The following SPHKAP variants were observed in gnomAD, a reference collection of about 807,000 sequenced individuals.
SPHKAP encodes SPHK1 interactor, AKAP domain containing.
SPHKAP carries 67 observed loss-of-function variants against 137.5 expected under a neutral mutation model. The observed-to-expected ratio is 0.49, with a 90% CI of 0.40 to 0.60. The LOEUF (loss-of-function observed/expected upper bound fraction) is 0.60, where lower values mean the gene tolerates loss of function less well. Ranked by LOEUF, SPHKAP falls within the 20% of genes least tolerant of loss-of-function variation. The pLI is 0.00. For missense variants in SPHKAP, 2,097 were observed against 2,069.3 expected, an observed-to-expected ratio of 1.01 and a Z score of -0.26; for synonymous variants, 813 against 785.3, an observed-to-expected ratio of 1.04 and a Z score of -0.59.
intron 1 of SPHKAP, among the ~76,000 whole-genome samples, chr2:228,144,508 G>A (rs1699711734): frequency 6.6e-6 from 1 of 151,852 alleles, no homozygotes; most frequent in Admixed American, 6.6e-5. Context: ...AGCTATCTTT[G>A]GATAATGTAG....
At chr2:228,029,884 C>G (rs2106235092) in intron 3 of SPHKAP, among the ~76,000 whole-genome samples, 1 of 152,116 alleles carries the variant, frequency 6.6e-6, no homozygotes, top group Non-Finnish European at 1.5e-5. Context: ...CATGACAAAG[C>G]TTTTATTATC....
chr2:227,981,893 G>C, intron 11 of SPHKAP, 33 bp from the exon 12 acceptor site: 2 of 1,593,316 alleles, frequency 1.3e-6, no homozygotes, highest in Non-Finnish European at 1.7e-6. Context: ...GGCTCACAGA[G>C]CACAGAGGGT....
At chr2:228,157,094 A>G (rs1267976439) in intron 1 of SPHKAP, among the ~76,000 whole-genome samples, 2 of 152,218 alleles carry the variant, frequency 1.3e-5, no homozygotes, top group Non-Finnish European at 2.9e-5. Context: ...GAGAGACAGA[A>G]AAGCAATAAA....
chr2:228,027,931 C>T, intron 3 of SPHKAP: 1 of 860,590 alleles, frequency 1.2e-6, no homozygotes, highest in Non-Finnish European at 1.4e-6. Flanking sequence ...ATGCCCACTC[C>T]AGCCTGGCGA....
At chr2:228,037,856 C>T (rs1695685402) in intron 3 of SPHKAP, among the ~76,000 whole-genome samples, 3 of 152,198 alleles carry the variant, frequency 2.0e-5, no homozygotes, top group Admixed American at 1.3e-4. Context: ...GGTAGTTTTA[C>T]AGTAAATCCA....
At chr2:228,016,132 T>C (rs1370938001) in intron 7 of SPHKAP, among the ~76,000 whole-genome samples, 2 of 152,152 alleles carry the variant, frequency 1.3e-5, no homozygotes, top group Non-Finnish European at 2.9e-5. Context: ...CTTTCAACTC[T>C]CTATCATAAA....
intron 1 of SPHKAP, among the ~76,000 whole-genome samples, chr2:228,161,054 A>G (rs2106412890): frequency 6.6e-6 from 1 of 152,362 alleles, no homozygotes; most frequent in Admixed American, 6.5e-5. Context: ...TGTTAAACAA[A>G]TAATCACATA....
At chr2:228,167,313 G>A (rs1700449356) in intron 1 of SPHKAP, among the ~76,000 whole-genome samples, 1 of 151,910 alleles carries the variant, frequency 6.6e-6, no homozygotes, top group South Asian at 2.1e-4. Flanking sequence ...TTTCACGTTT[G>A]CAAAGACAGA....
chr2:227,996,242 ATTTT>A, intron 7 of SPHKAP: 4 of 458,542 alleles, frequency 8.7e-6, no homozygotes, highest in Non-Finnish European at 1.1e-5. Context: ...CTTGCACTAT[ATTTT>A]GTGCTGTATT....
intron 2 of SPHKAP, among the ~76,000 whole-genome samples, chr2:228,117,991 T>C (rs1334825998): frequency 1.3e-5 from 2 of 151,994 alleles, no homozygotes; most frequent in Admixed American, 1.3e-4. Context: ...TTATTCTAAT[T>C]TATTGATCTG....
At chr2:228,021,650 C>A in intron 6 of SPHKAP, 61 bp downstream of exon 6, 1 of 1,545,532 alleles carries the variant, frequency 6.5e-7, no homozygotes, top group East Asian at 2.3e-5. Context: ...TTTCTGAAAT[C>A]TCACCAAGAC....
intron 7 of SPHKAP, among the ~76,000 whole-genome samples, chr2:228,006,524 C>A (rs1388192019): frequency 6.6e-6 from 1 of 152,154 alleles, no homozygotes; most frequent in Admixed American, 6.6e-5. Context: ...TCGTCTGAAG[C>A]CTTCTTCTCT....
At chr2:228,056,526 G>T (rs1260559017) in intron 3 of SPHKAP, among the ~76,000 whole-genome samples, 3 of 150,610 alleles carry the variant, frequency 2.0e-5, no homozygotes, top group Admixed American at 1.3e-4. Context: ...GACTTGAGAG[G>T]TTCTTAAGTG....
intron 3 of SPHKAP, among the ~76,000 whole-genome samples, chr2:228,098,800 C>G (rs558859425): frequency 7.2e-5 from 10 of 138,546 alleles, no homozygotes; most frequent in African/African-American, 2.4e-4. Flanking sequence ...GGCCTTTGCC[C>G]ATTTTTTAAT....
At chr2:228,117,164 A>G (rs1168079276) in intron 2 of SPHKAP, among the ~76,000 whole-genome samples, 1 of 152,144 alleles carries the variant, frequency 6.6e-6, no homozygotes, top group Non-Finnish European at 1.5e-5. Flanking sequence ...TTTTCTCCCT[A>G]CATGCCATTG....
At chr2:228,023,601 A>AACTT (rs562355697) in intron 5 of SPHKAP, among the ~76,000 whole-genome samples, 68 of 152,358 alleles carry the variant, frequency 4.5e-4, no homozygotes, top group Admixed American at 1.6e-3. Flanking sequence ...ACTAAGCTGA[A>AACTT]ACTTACCCAG....
chr2:228,005,549 A>G (rs1251511499), intron 7 of SPHKAP, among the ~76,000 whole-genome samples: 2 of 152,190 alleles, frequency 1.3e-5, no homozygotes, highest in Non-Finnish European at 2.9e-5. Context: ...GCCCATTTAC[A>G]TTTAAGGTTA....
chr2:228,116,223 C>T (rs34862603), intron 2 of SPHKAP, among the ~76,000 whole-genome samples: 3 of 152,066 alleles, frequency 2.0e-5, no homozygotes, highest in Non-Finnish European at 2.9e-5. Context: ...CCTATGTGTT[C>T]GTATTGTAAT....
chr2:228,171,061 A>G (rs1700570345), intron 1 of SPHKAP, among the ~76,000 whole-genome samples: 2 of 152,112 alleles, frequency 1.3e-5, no homozygotes, highest in Admixed American at 6.6e-5. Flanking sequence ...TGAAATAAGG[A>G]GGTGAGAAAT....
Sources: allele counts gnomAD v4.1 joint callset (sites outside exome capture counted in the v4.1 genomes callset), GRCh38; gene constraint gnomAD v4.1.1; transcripts MANE v1.5; gene names NCBI Gene and HGNC (gene_info 2026-07-23, HGNC 2026-07-21).